The following SLC8A3 variants were observed in gnomAD, a reference collection of about 807,000 sequenced individuals.
The protein encoded by SLC8A3 is solute carrier family 8 member A3.
A neutral mutation model predicts 65.4 loss-of-function variants in SLC8A3; 37 were observed. That is an observed-to-expected ratio of 0.57 (90% CI 0.44 to 0.74). The LOEUF (loss-of-function observed/expected upper bound fraction) is 0.74, where lower values mean the gene tolerates loss of function less well. SLC8A3 is among the 30% of genes least tolerant of loss of function. SLC8A3 has a pLI of 0.00. For missense variants in SLC8A3, 1,112 were observed against 1,172.1 expected (o/e 0.95, Z 0.75); for synonymous variants, 461 against 444.5 (o/e 1.04, Z -0.47).
chr14:70,111,857 G>A (rs746741442), intron 2 of SLC8A3, among the ~76,000 whole-genome samples: 21 of 152,212 alleles, frequency 1.4e-4, no homozygotes, highest in Non-Finnish European at 2.8e-4. Flanking sequence ...ATTTTGACAG[G>A]TAGTGCTAGA....
chr14:70,082,814 G>A (rs1891150400), intron 2 of SLC8A3, among the ~76,000 whole-genome samples: 1 of 152,200 alleles, frequency 6.6e-6, no homozygotes, highest in South Asian at 2.1e-4. Flanking sequence ...CACAGAGGGA[G>A]GCAAGAATGG....
chr14:70,149,300 A>C (rs903806748), intron 2 of SLC8A3, among the ~76,000 whole-genome samples: 1 of 152,154 alleles, frequency 6.6e-6, no homozygotes, highest in Non-Finnish European at 1.5e-5. Flanking sequence ...GAGAATAGTT[A>C]ATTCCTTAGT....
intron 2 of SLC8A3, among the ~76,000 whole-genome samples, chr14:70,069,743 C>G (rs1346701680): frequency 2.0e-5 from 3 of 152,176 alleles, no homozygotes; most frequent in African/African-American, 7.2e-5. Context: ...GGCCCCTGTT[C>G]CATGAGAAGG....
In SLC8A3 at chr14:70,082,725, A is replaced by G. The variant is rs146164638; in HGVS notation, c.1785-21786T>C. Among the ~76,000 whole-genome samples, 273 of 152,292 alleles carry G rather than the reference A, an allele frequency of 1.8e-3. 1 individual carries two copies. Among genetic ancestry groups the G allele is most frequent in the Middle Eastern group, 3.4e-3 (1 of 294 alleles). On this transcript the variant is annotated intron_variant, in intron 2 of 6. Transcript: ENST00000356921. ...TCTCTGTTTCTCCAATGCTTGGCCA[A>G]CTGAGGCTAGCTTAAGCCATCAAGC...
intron 2 of SLC8A3, among the ~76,000 whole-genome samples, chr14:70,153,871 C>T (rs942088834): frequency 2.6e-5 from 4 of 152,198 alleles, no homozygotes; most frequent in African/African-American, 9.7e-5. Flanking sequence ...CAAAGGAGGT[C>T]CCCTGATCTG....
intron 2 of SLC8A3, among the ~76,000 whole-genome samples, chr14:70,076,820 G>A (rs1051482568): frequency 7.9e-5 from 12 of 152,156 alleles, no homozygotes; most frequent in South Asian, 4.1e-4. Context: ...TGTTCTTTCC[G>A]ATGACAGATG....
At chr14:70,053,235 G>A (rs1394957608) in intron 3 of SLC8A3, among the ~76,000 whole-genome samples, 1 of 152,158 alleles carries the variant, frequency 6.6e-6, no homozygotes, top group Non-Finnish European at 1.5e-5. Flanking sequence ...TGGAAACAAT[G>A]TTTTCTCAAG....
chr14:70,095,665 G>T (rs139254097), intron 2 of SLC8A3, among the ~76,000 whole-genome samples: 1 of 152,160 alleles, frequency 6.6e-6, no homozygotes, highest in Admixed American at 6.5e-5. Flanking sequence ...TGTAAACTTG[G>T]GAGGGTGGAT....
intron 2 of SLC8A3, among the ~76,000 whole-genome samples, chr14:70,069,452 C>T (rs1006440003): frequency 1.2e-4 from 18 of 152,202 alleles, no homozygotes; most frequent in African/African-American, 3.1e-4. Context: ...CTTGCTGCTC[C>T]GGGTCAGCTA....
At chr14:70,160,870 A>G (rs1444325857) in intron 2 of SLC8A3, among the ~76,000 whole-genome samples, 4 of 106,384 alleles carry the variant, frequency 3.8e-5, no homozygotes, top group South Asian at 8.1e-4. Context: ...ATTAAGAAGA[A>G]AAGAGACAAA....
chr14:70,151,098 C>T (rs991357620), intron 2 of SLC8A3, among the ~76,000 whole-genome samples: 2 of 151,544 alleles, frequency 1.3e-5, no homozygotes, highest in African/African-American at 4.9e-5. Context: ...GCTAAAAGTA[C>T]AAAAAATTGG....
chr14:70,173,760 T>C (rs1897696254), intron 1 of SLC8A3, among the ~76,000 whole-genome samples: 1 of 152,184 alleles, frequency 6.6e-6, no homozygotes, highest in African/African-American at 2.4e-5. Flanking sequence ...ACACTGCATA[T>C]TCTCCTGCAC....
At chr14:70,123,601 C>T (rs1404458532) in intron 2 of SLC8A3, among the ~76,000 whole-genome samples, 1 of 152,022 alleles carries the variant, frequency 6.6e-6, no homozygotes, top group African/African-American at 2.4e-5. Context: ...AGGCACCTGT[C>T]ACCACACCCG....
chr14:70,061,921 A>G (rs1459454968), intron 2 of SLC8A3, among the ~76,000 whole-genome samples: 1 of 152,060 alleles, frequency 6.6e-6, no homozygotes. Flanking sequence ...CACCCAGGGA[A>G]GAAAACTTTC....
Position 70,185,805 on chromosome 14 carries a change from G to A in SLC8A3, c.-63+2574C>T, listed in dbSNP as rs140417570. On this transcript the variant is annotated intron_variant, in intron 1 of 6. Transcript: ENST00000356921. ...AATCACATACATAAATTTAATGGGC[G>A]TCTTTAAATTACTTCAAAAATATAA... Among the ~76,000 whole-genome samples, 437 of 152,262 alleles carry A rather than the reference G, an allele frequency of 2.9e-3. 4 individuals carry two copies. Among genetic ancestry groups the A allele is most frequent in the African/African-American group, 0.01 (420 of 41,554 alleles).
intron 2 of SLC8A3, among the ~76,000 whole-genome samples, chr14:70,081,275 C>T (rs1277640566): frequency 6.6e-6 from 1 of 152,170 alleles, no homozygotes; most frequent in African/African-American, 2.4e-5. Context: ...GTGCCAATTC[C>T]TAAGTCCCAG....
At chr14:70,128,072 C>T (rs565085780) in intron 2 of SLC8A3, among the ~76,000 whole-genome samples, 2 of 152,258 alleles carry the variant, frequency 1.3e-5, no homozygotes, top group South Asian at 4.1e-4. Context: ...AAACTTGTTC[C>T]TCGTTTTTGG....
chr14:70,132,469 G>T (rs1894903314), intron 2 of SLC8A3, among the ~76,000 whole-genome samples: 1 of 152,190 alleles, frequency 6.6e-6, no homozygotes. Context: ...GCCAAACTGA[G>T]ATAGTGCTGA....
intron 2 of SLC8A3, among the ~76,000 whole-genome samples, chr14:70,136,473 C>T (rs1359122053): frequency 1.3e-5 from 2 of 152,180 alleles, no homozygotes; most frequent in Non-Finnish European, 2.9e-5. Context: ...TGCCATCTTA[C>T]TCCCTCTCCA....
Sources: allele counts gnomAD v4.1 joint callset (sites outside exome capture counted in the v4.1 genomes callset), GRCh38; gene constraint gnomAD v4.1.1; transcripts MANE v1.5; gene names NCBI Gene and HGNC (gene_info 2026-07-23, HGNC 2026-07-21).